Variants in SI observed in about 807,000 individuals in gnomAD.
The protein encoded by SI is sucrase-isomaltase, also known as sucrase-isomaltase, intestinal.
In SI, 235 loss-of-function variants were observed where a neutral mutation model predicts 253.3. That is an observed-to-expected ratio of 0.93 (90% CI 0.83 to 1.03). The LOEUF is 1.03. SI is among the 50% of genes least tolerant of loss of function. SI has a pLI of 0.00. For missense variants in SI, 2,442 were observed against 2,211.1 expected, an observed-to-expected ratio of 1.10 and a Z score of -2.09; for synonymous variants, 819 against 712.0, an observed-to-expected ratio of 1.15 and a Z score of -2.39.
chr3:165,082,066 C>T (rs1196891972), upstream of SI, among the ~76,000 whole-genome samples: 1 of 151,994 alleles, frequency 6.6e-6, no homozygotes, highest in Admixed American at 6.6e-5. Context: ...AGATGTATCT[C>T]TAGATGTAAC....
chr3:164,991,010 G>A (rs143481795), intron 44 of SI, among the ~76,000 whole-genome samples: 51 of 152,084 alleles, frequency 3.4e-4, no homozygotes, highest in African/African-American at 1.1e-3. Flanking sequence ...GCAAATAATG[G>A]ATAGATTTGT....
At chr3:165,039,279 C>T in intron 19 of SI, 145 bp from the exon 20 acceptor site, 1 of 606,774 alleles carries the variant, frequency 1.6e-6, no homozygotes, top group East Asian at 2.8e-5. Flanking sequence ...AATCAAAGGG[C>T]TATTTTATTA....
At chr3:165,080,543 T>A (rs9850940), upstream of SI, among the ~76,000 whole-genome samples, 88,976 of 151,668 alleles carry the variant, frequency 0.59, 26,434 homozygotes, top group East Asian at 0.81. Flanking sequence ...AAAATGTGGC[T>A]CATATACACC....
Position 165,074,658 on chromosome 3 carries a change from T to C in SI, c.128A>G (p.Asp43Gly). Residue 43 changes from aspartate to glycine, a missense_variant, in exon 3 of 48, where the codon GAT becomes GGT. Transcript: ENST00000264382. ...TKTPAVDEIS[D>G]STSTPATTRV... The stretch of plus-strand genomic sequence containing the variant: ...AGTAGTAGCTGGAGTTGAAGTAGAA[T>C]CACTAATTTCTGGGGGAGGAAAAAA... 1 of 1,609,444 alleles carries C rather than the reference T, an allele frequency of 6.2e-7. No individual in the cohort carries two copies.
In SI at chr3:165,044,768, G is replaced by T. The variant is rs551128441; in HGVS notation, c.1888-1593C>A. Reference sequence around the variant, plus strand: ...TTCATTTTGTTGTAGTCAAATTTATGTATGTTTCTCTTAAGATTTATTCTC... The same window carrying T: ...TTCATTTTGTTGTAGTCAAATTTATTTATGTTTCTCTTAAGATTTATTCTC... On this transcript the variant is annotated intron_variant, in intron 16 of 47. Transcript: ENST00000264382. Among the ~76,000 whole-genome samples the T allele has an allele frequency of 1.1e-4, 17 of 151,864 alleles. No individual in the cohort carries two copies. In the South Asian group the frequency reaches 3.5e-3, roughly 32 times the overall value.
chr3:164,996,716 TA>T, intron 39 of SI, 21 bp downstream of exon 39: 1 of 1,209,322 alleles, frequency 8.3e-7, no homozygotes, highest in Non-Finnish European at 1.2e-6. Flanking sequence ...TTTATGAAGA[TA>T]AAAGGAATAA....
At chr3:165,081,103 A>G (rs1311610400), upstream of SI, among the ~76,000 whole-genome samples, 3 of 152,018 alleles carry the variant, frequency 2.0e-5, no homozygotes, top group African/African-American at 7.2e-5. Context: ...AAATGCTTAG[A>G]AGGTAAATTC....
chr3:165,067,590 G>A (rs897423852), intron 5 of SI, 99 bp from the exon 6 acceptor site: 33 of 1,041,116 alleles, frequency 3.2e-5, no homozygotes, highest in Middle Eastern at 3.0e-4. Flanking sequence ...AAAAAATAAC[G>A]TGGTGATTAG....
At chr3:165,048,532 G>T (rs530767940) in intron 15 of SI, among the ~76,000 whole-genome samples, 1 of 146,160 alleles carries the variant, frequency 6.8e-6, no homozygotes, top group South Asian at 2.1e-4. Flanking sequence ...TTACAAAAAA[G>T]AGTCTTAGTT....
intron 26 of SI, 93 bp downstream of exon 26, chr3:165,023,477 C>T (rs936259820): frequency 5.5e-6 from 5 of 913,720 alleles, no homozygotes; most frequent in Admixed American, 3.7e-5. Flanking sequence ...TGTTAATAAC[C>T]TTTAATATTA....
At chr3:165,065,547 T>C (rs1419795491) in intron 6 of SI, 115 bp from the exon 7 acceptor site, 3 of 217,146 alleles carry the variant, frequency 1.4e-5, no homozygotes, top group Non-Finnish European at 2.5e-5. Flanking sequence ...GATTTCATTA[T>C]AAACATGCCA....
At chr3:165,070,128 A>C (rs942011637) in intron 3 of SI, among the ~76,000 whole-genome samples, 7 of 146,694 alleles carry the variant, frequency 4.8e-5, no homozygotes, top group Admixed American at 1.4e-4. Context: ...TAAATAGATA[A>C]GTATATGGGA....
chr3:165,022,500 T>C (rs896041269), intron 26 of SI, among the ~76,000 whole-genome samples: 16 of 148,326 alleles, frequency 1.1e-4, no homozygotes, highest in Non-Finnish European at 2.4e-4. Context: ...GAACCTTTCT[T>C]CACACACACA....
At chr3:165,039,421 A>G (rs1032466398) in intron 19 of SI, among the ~76,000 whole-genome samples, 3 of 152,116 alleles carry the variant, frequency 2.0e-5, no homozygotes, top group African/African-American at 7.2e-5. Flanking sequence ...GTGAATGTGA[A>G]TATGTTTATT....
chr3:165,022,877 G>C (rs180998978), intron 26 of SI, among the ~76,000 whole-genome samples: 1 of 151,272 alleles, frequency 6.6e-6, no homozygotes, highest in African/African-American at 2.4e-5. Flanking sequence ...TTAAAATATC[G>C]TTTACTCTTA....
At chr3:164,989,447 A>AGAGAG (rs1161393107) in intron 44 of SI, among the ~76,000 whole-genome samples, 3 of 149,228 alleles carry the variant, frequency 2.0e-5, no homozygotes, top group Non-Finnish European at 3.0e-5. Flanking sequence ...GAAAGAAAGA[A>AGAGAG]GAGAGGAGAG....
At chr3:164,991,177 C>A (rs1051988255) in intron 44 of SI, among the ~76,000 whole-genome samples, 176 bp downstream of exon 44, 2 of 152,090 alleles carry the variant, frequency 1.3e-5, no homozygotes, top group Non-Finnish European at 2.9e-5. Context: ...GTTCCTGTTT[C>A]TTGCTATGCT....
At position 164,982,254 on chromosome 3, in the gene SI, T is replaced by C; in HGVS notation, c.5404A>G (p.Thr1802Ala). ...NKNSLPFNED[T>A]TNMILRIDLT... ...CTTACATTACTTACCATGTTGGTAG[T>C]GTCTTCATTAAAAGGAAGCGAATTT... The change falls in exon 47 of 48, where the codon ACT (threonine) becomes GCT (alanine). Residue 1802 changes from threonine to alanine, a missense_variant. By Grantham distance (58) the Thr-to-Ala change is moderately conservative (BLOSUM62 0). Transcript: ENST00000264382. 6.2e-7 allele frequency: 1 copy of C among 1,612,326 alleles called. No homozygotes were observed. The highest frequency in any genetic ancestry group is 8.5e-7 in the Non-Finnish European group (1 of 1,178,804).
chr3:165,074,443 T>C, intron 3 of SI, 88 bp downstream of exon 3: 1 of 809,406 alleles, frequency 1.2e-6, no homozygotes, highest in East Asian at 3.1e-5. Context: ...TAGATCTTTA[T>C]TAAATAAGAT....
Sources: allele counts gnomAD v4.1 joint callset (sites outside exome capture counted in the v4.1 genomes callset), GRCh38; gene constraint gnomAD v4.1.1; transcripts MANE v1.5; gene names NCBI Gene and HGNC (gene_info 2026-07-23, HGNC 2026-07-21).